Variants in ATXN1 observed in about 807,000 individuals in gnomAD.
ATXN1 encodes the protein ataxin-1.
In ATXN1, 8 loss-of-function variants were observed where a neutral mutation model predicts 56.4. The observed-to-expected ratio is 0.14, with a 90% CI of 0.08 to 0.26. The LOEUF is 0.26. Ranked by LOEUF, ATXN1 falls within the 10% of genes least tolerant of loss-of-function variation. ATXN1 has a pLI of 1.00. For missense variants in ATXN1, 987 were observed against 1,106.5 expected (o/e 0.89, Z 1.53); for synonymous variants, 514 against 494.6 (o/e 1.04, Z -0.52).
chr6:16,392,172 G>A (rs1219269594), intron 6 of ATXN1, among the ~76,000 whole-genome samples: 1 of 152,212 alleles, frequency 6.6e-6, no homozygotes, highest in Non-Finnish European at 1.5e-5. Context: ...TCGTAACCTT[G>A]CTGCCTTCTT....
At chr6:16,657,050 C>T (rs910938524) in intron 3 of ATXN1, among the ~76,000 whole-genome samples, 5 of 140,146 alleles carry the variant, frequency 3.6e-5, no homozygotes, top group African/African-American at 1.4e-4. Flanking sequence ...GTGGTGCAAT[C>T]TCGGCTCACT....
At position 16,442,415 on chromosome 6, in the gene ATXN1, G is replaced by A. The variant is rs370515984; in HGVS notation, c.-161+43557C>T. Among the ~76,000 whole-genome samples, 101 of 151,876 alleles carry A rather than the reference G, an allele frequency of 6.7e-4. 2 individuals carry two copies. In the South Asian group the frequency reaches 0.019, roughly 28 times the overall value. ...GTCTGTTACTGAAAGATGATTACAA[G>A]GAAACAATATTACATATAGCCAGAA... On this transcript the variant is annotated intron_variant, in intron 6 of 7. Transcript: ENST00000436367.
At chr6:16,425,186 T>C (rs1262495392) in intron 6 of ATXN1, among the ~76,000 whole-genome samples, 1 of 152,240 alleles carries the variant, frequency 6.6e-6, no homozygotes, top group African/African-American at 2.4e-5. Context: ...CAAATTAATA[T>C]TTACAAATGC....
chr6:16,649,283 GA>G (rs995663235), intron 3 of ATXN1, among the ~76,000 whole-genome samples: 99 of 147,072 alleles, frequency 6.7e-4, no homozygotes, highest in African/African-American at 2.1e-3. Flanking sequence ...TCTTAGAAAT[GA>G]AAAAAAAAAT....
intron 7 of ATXN1, among the ~76,000 whole-genome samples, chr6:16,321,663 G>T (rs1207983490): frequency 6.6e-6 from 1 of 152,176 alleles, no homozygotes; most frequent in African/African-American, 2.4e-5. Flanking sequence ...AATGCTGGGG[G>T]CATCTTTCCA....
chr6:16,421,642 TCA>T (rs1255688998), intron 6 of ATXN1, among the ~76,000 whole-genome samples: 1 of 107,306 alleles, frequency 9.3e-6, no homozygotes, highest in African/African-American at 3.6e-5. Flanking sequence ...GTGCAGAGTT[TCA>T]CACGGGAGGG....
At chr6:16,610,176 A>G (rs1581882421) in intron 3 of ATXN1, among the ~76,000 whole-genome samples, 2 of 152,162 alleles carry the variant, frequency 1.3e-5, no homozygotes, top group African/African-American at 4.8e-5. Flanking sequence ...ATTGATGCAT[A>G]GTCAAAGTAA....
intron 6 of ATXN1, among the ~76,000 whole-genome samples, chr6:16,367,034 A>C (rs1212025355): frequency 6.6e-6 from 1 of 152,220 alleles, no homozygotes; most frequent in Non-Finnish European, 1.5e-5. Flanking sequence ...TTTGTCTCTC[A>C]ATTACCCTGG....
chr6:16,319,637 C>T (rs912519549), intron 7 of ATXN1, among the ~76,000 whole-genome samples: 4 of 152,170 alleles, frequency 2.6e-5, no homozygotes, highest in African/African-American at 9.7e-5. Context: ...CAGTTGTAAC[C>T]AATCTATCAC....
At chr6:16,695,262 C>G (rs1009154961) in intron 2 of ATXN1, among the ~76,000 whole-genome samples, 16 of 152,182 alleles carry the variant, frequency 1.1e-4, no homozygotes, top group African/African-American at 3.9e-4. Context: ...ATTAGTATTT[C>G]TACTTTTGGG....
intron 3 of ATXN1, among the ~76,000 whole-genome samples, chr6:16,627,592 T>C (rs778227050): frequency 5.9e-5 from 9 of 152,042 alleles, no homozygotes; most frequent in Non-Finnish European, 1.2e-4. Flanking sequence ...CCGGGTGTGG[T>C]GGCTCACGCC....
At chr6:16,753,423 A>C (rs1760787609) in intron 1 of ATXN1, 76 bp from the exon 2 acceptor site, 3 of 448,022 alleles carry the variant, frequency 6.7e-6, no homozygotes, top group South Asian at 4.7e-5. Flanking sequence ...AAATAAGTCC[A>C]CCTTAAGTGT....
intron 5 of ATXN1, among the ~76,000 whole-genome samples, chr6:16,492,166 G>A (rs959658973): frequency 4.0e-5 from 6 of 151,882 alleles, no homozygotes; most frequent in South Asian, 2.1e-4. Flanking sequence ...CCTGGACTTC[G>A]CACCTCCAGA....
At chr6:16,533,986 C>T (rs1761550920) in intron 4 of ATXN1, among the ~76,000 whole-genome samples, 1 of 152,014 alleles carries the variant, frequency 6.6e-6, no homozygotes, top group African/African-American at 2.4e-5. Context: ...GGTTTCTCAG[C>T]TGAAAGAAAA....
rs1761270425 is a variant in ATXN1 at position 16,520,660 on chromosome 6, A to G, written c.-299+1967T>C. Among the ~76,000 whole-genome samples, 3 of 152,308 alleles carry G rather than the reference A, an allele frequency of 2.0e-5. No homozygotes were observed. In the South Asian group the frequency reaches 6.2e-4, roughly 32 times the overall value. ...CTAAAGAGACCTTTACAGTCCCCAGAGAGCAACAGGTGTCAGTGACCCACA... is the reference window on the plus strand; with the variant it reads ...CTAAAGAGACCTTTACAGTCCCCAGGGAGCAACAGGTGTCAGTGACCCACA... On this transcript the variant is annotated intron_variant, in intron 5 of 7. Transcript: ENST00000436367.
At chr6:16,592,886 G>C (rs1322428105) in intron 3 of ATXN1, among the ~76,000 whole-genome samples, 18 of 150,562 alleles carry the variant, frequency 1.2e-4, no homozygotes, top group Non-Finnish European at 1.8e-4. Context: ...GGGGGGTTGG[G>C]GGGGGCAGCT....
chr6:16,545,083 T>C (rs958682210), intron 4 of ATXN1, among the ~76,000 whole-genome samples: 4 of 152,140 alleles, frequency 2.6e-5, no homozygotes, highest in African/African-American at 9.7e-5. Context: ...GCATTCCATG[T>C]TGTGGGATTT....
intron 4 of ATXN1, among the ~76,000 whole-genome samples, chr6:16,581,291 G>A (rs1430384134): frequency 6.6e-6 from 1 of 151,358 alleles, no homozygotes; most frequent in East Asian, 1.9e-4. Flanking sequence ...GATGATATGG[G>A]CAACTCAACT....
chr6:16,756,699 A>C (rs1760897235), intron 1 of ATXN1, among the ~76,000 whole-genome samples: 1 of 152,188 alleles, frequency 6.6e-6, no homozygotes, highest in Non-Finnish European at 1.5e-5. Flanking sequence ...TTACTTCACT[A>C]TTGTCACTTT....
Sources: allele counts gnomAD v4.1 joint callset (sites outside exome capture counted in the v4.1 genomes callset), GRCh38; gene constraint gnomAD v4.1.1; transcripts MANE v1.5; gene names NCBI Gene and HGNC (gene_info 2026-07-23, HGNC 2026-07-21).